The following DPYSL3 variants were observed in gnomAD, a reference collection of about 807,000 sequenced individuals.
DPYSL3 encodes the protein dihydropyrimidinase like 3.
Under a neutral mutation model 66.1 loss-of-function variants are expected in DPYSL3, and 16 were observed. The ratio of observed to expected loss-of-function variants is 0.24; its 90% CI spans 0.16 to 0.37. The LOEUF (loss-of-function observed/expected upper bound fraction) is 0.37, where lower values mean the gene tolerates loss of function less well. DPYSL3 is among the 10% of genes least tolerant of loss of function. The pLI is 1.00. For synonymous variants in DPYSL3, 338 were observed against 345.1 expected (o/e 0.98, Z 0.23); for missense variants, 738 against 916.2 (o/e 0.81, Z 2.51).
At chr5:147,467,424 T>A (rs530394352) in intron 1 of DPYSL3, among the ~76,000 whole-genome samples, 1 of 151,994 alleles carries the variant, frequency 6.6e-6, no homozygotes. Flanking sequence ...TAGAAGTGAG[T>A]GGATGGAAAA....
chr5:147,497,806 G>A (rs1753543161), intron 1 of DPYSL3, among the ~76,000 whole-genome samples: 1 of 151,762 alleles, frequency 6.6e-6, no homozygotes, highest in South Asian at 2.1e-4. Context: ...CATATTTAAT[G>A]GTGAGAAACT....
At position 147,412,594 on chromosome 5, in the gene DPYSL3, C is replaced by T; in HGVS notation, c.963+14G>A. ...CAGACCCAAAGCACGCTCCAGGGAG[C>T]TGCACGGTGTTACCTGGGCAATGAT... On this transcript the variant is annotated intron_variant, in intron 6 of 13. Coordinates refer to ENST00000343218, the MANE Select transcript of DPYSL3 (RefSeq NM_001197294.2). The T allele has an allele frequency of 6.2e-7, 1 of 1,608,840 alleles. No homozygotes were observed. The highest frequency in any genetic ancestry group is 8.5e-7 in the Non-Finnish European group (1 of 1,177,250).
At chr5:147,494,173 A>C (rs1753461734) in intron 1 of DPYSL3, among the ~76,000 whole-genome samples, 1 of 152,178 alleles carries the variant, frequency 6.6e-6, no homozygotes, top group African/African-American at 2.4e-5. Flanking sequence ...ATAAAAATGA[A>C]AATATAAATT....
At chr5:147,417,264 C>T (rs537369525) in intron 3 of DPYSL3, among the ~76,000 whole-genome samples, 4 of 152,266 alleles carry the variant, frequency 2.6e-5, no homozygotes, top group African/African-American at 7.2e-5. Flanking sequence ...CACTCATTCC[C>T]GTAGTCTTCT....
chr5:147,476,156 G>A (rs1437667928), intron 1 of DPYSL3, among the ~76,000 whole-genome samples: 3 of 151,976 alleles, frequency 2.0e-5, no homozygotes, highest in African/African-American at 4.8e-5. Context: ...TCACAAACTC[G>A]ATTATGAAAT....
intron 1 of DPYSL3, among the ~76,000 whole-genome samples, chr5:147,456,581 ATTTTTTT>A (rs985633099): frequency 3.0e-4 from 24 of 80,338 alleles, no homozygotes; most frequent in East Asian, 2.1e-3. Flanking sequence ...TACTGATTCT[ATTTTTTT>A]TTTTTTTTTT....
intron 1 of DPYSL3, among the ~76,000 whole-genome samples, chr5:147,480,726 AT>A (rs1753226294): frequency 6.8e-6 from 1 of 147,908 alleles, no homozygotes. Flanking sequence ...TATTATTATT[AT>A]TATTATTATT....
rs554165250 is a variant in DPYSL3, at chr5:147,396,213, A to G, written c.1804-492T>C. Among the ~76,000 whole-genome samples the G allele has an allele frequency of 3.3e-5, 5 of 152,280 alleles. No homozygotes were observed. In the South Asian group the frequency reaches 1.0e-3, roughly 32 times the overall value. On this transcript the variant is annotated intron_variant, in intron 12 of 13. Transcript: ENST00000343218. ...GCTCCACCCTCACACTCTTCAGCAC[A>G]CACCAGGGTGGGCAGGCCTTGAAGT...
intron 1 of DPYSL3, among the ~76,000 whole-genome samples, chr5:147,455,910 TTGTGTGTGTG>T (rs72112283): frequency 6.7e-6 from 1 of 148,454 alleles, no homozygotes; most frequent in African/African-American, 2.5e-5. Context: ...GATCACTTGA[TTGTGTGTGTG>T]TGTGTGTGTG....
intron 1 of DPYSL3, among the ~76,000 whole-genome samples, chr5:147,436,696 GT>G (rs775448395): frequency 4.6e-5 from 7 of 152,222 alleles, no homozygotes; most frequent in Non-Finnish European, 1.0e-4. Context: ...GTGGTCCAGT[GT>G]GACAGGAAGA....
intron 1 of DPYSL3, among the ~76,000 whole-genome samples, chr5:147,455,176 A>G (rs1752824536): frequency 1.3e-5 from 2 of 152,176 alleles, no homozygotes; most frequent in South Asian, 4.1e-4. Context: ...GAAACTATAT[A>G]AGGCATCCAC....
chr5:147,429,494 G>A (rs930838077), intron 1 of DPYSL3, among the ~76,000 whole-genome samples: 3 of 152,044 alleles, frequency 2.0e-5, no homozygotes, highest in Admixed American at 6.6e-5. Flanking sequence ...GTGTGTGCGT[G>A]TATAATCTAG....
intron 1 of DPYSL3, among the ~76,000 whole-genome samples, chr5:147,456,944 G>A (rs1752862040): frequency 1.3e-5 from 2 of 151,984 alleles, no homozygotes; most frequent in African/African-American, 4.8e-5. Flanking sequence ...GATTTGCAAA[G>A]TTTCTTCCTG....
intron 13 of DPYSL3, among the ~76,000 whole-genome samples, chr5:147,395,226 A>G (rs1757931932): frequency 6.6e-6 from 1 of 152,244 alleles, no homozygotes; most frequent in Non-Finnish European, 1.5e-5. Flanking sequence ...TATGTTGCAT[A>G]GCGCTCATAG....
intron 1 of DPYSL3, among the ~76,000 whole-genome samples, chr5:147,459,892 T>C (rs1265832012): frequency 1.3e-5 from 2 of 152,038 alleles, no homozygotes; most frequent in African/African-American, 4.8e-5. Flanking sequence ...GGGCGGGTCA[T>C]GAGGTCAGCA....
chr5:147,502,663 G>A (rs1200103031), intron 1 of DPYSL3, among the ~76,000 whole-genome samples: 3 of 136,040 alleles, frequency 2.2e-5, no homozygotes, highest in African/African-American at 5.6e-5. Flanking sequence ...TGCAACTTCC[G>A]CCTCCCGGGT....
At chr5:147,497,158 C>A (rs1034790723) in intron 1 of DPYSL3, among the ~76,000 whole-genome samples, 1 of 150,202 alleles carries the variant, frequency 6.7e-6, no homozygotes, top group Admixed American at 6.7e-5. Context: ...GGACAAAAAA[C>A]CAAACACTGC....
intron 1 of DPYSL3, among the ~76,000 whole-genome samples, chr5:147,495,924 A>G: frequency 6.6e-6 from 1 of 152,212 alleles, no homozygotes; most frequent in Non-Finnish European, 1.5e-5. Flanking sequence ...GAACCAAAAA[A>G]GAGCCCGCAT....
At chr5:147,434,010 C>T (rs764562706) in intron 1 of DPYSL3, among the ~76,000 whole-genome samples, 9 of 140,778 alleles carry the variant, frequency 6.4e-5, no homozygotes, top group African/African-American at 2.4e-4. Context: ...AGCCTGGTGA[C>T]AGAGCAAAAC....
Sources: allele counts gnomAD v4.1 joint callset (sites outside exome capture counted in the v4.1 genomes callset), GRCh38; gene constraint gnomAD v4.1.1; transcripts MANE v1.5; gene names NCBI Gene and HGNC (gene_info 2026-07-23, HGNC 2026-07-21).